UBR3: variants seen among roughly 807,000 people sequenced by gnomAD.
The protein encoded by UBR3 is ubiquitin protein ligase E3 component n-recognin 3, also known as E3 ubiquitin-protein ligase UBR3.
In UBR3, 85 loss-of-function variants were observed where a neutral mutation model predicts 243.2. That is an observed-to-expected ratio of 0.35 (90% confidence interval 0.29 to 0.42). UBR3 has a LOEUF of 0.42. Ranked by LOEUF, UBR3 falls within the 10% of genes least tolerant of loss-of-function variation. The pLI is 1.00. For synonymous variants in UBR3, 748 were observed against 799.8 expected, an observed-to-expected ratio of 0.94 and a Z score of 1.09; for missense variants, 1,686 against 2,300.8, an observed-to-expected ratio of 0.73 and a Z score of 5.47.
chr2:170,072,091 TA>T (rs373505449), intron 35 of UBR3, among the ~76,000 whole-genome samples: 5 of 152,142 alleles, frequency 3.3e-5, no homozygotes, highest in African/African-American at 1.2e-4. Flanking sequence ...CAAAGGACTA[TA>T]AATCATGCTG....
At chr2:170,049,404 A>G (rs193261478) in intron 32 of UBR3, among the ~76,000 whole-genome samples, 9 of 152,296 alleles carry the variant, frequency 5.9e-5, no homozygotes, top group Non-Finnish European at 1.2e-4. Context: ...AGGGGTGGCA[A>G]AAGTGGAAGA....
intron 38 of UBR3, among the ~76,000 whole-genome samples, chr2:170,081,146 G>T (rs553100448): frequency 6.6e-6 from 1 of 152,154 alleles, no homozygotes; most frequent in South Asian, 2.1e-4. Context: ...AGCTGTGATC[G>T]TGCCACTGCA....
chr2:170,042,671 A>G (rs939378472), intron 32 of UBR3, among the ~76,000 whole-genome samples: 2 of 139,454 alleles, frequency 1.4e-5, no homozygotes, highest in Non-Finnish European at 3.1e-5. Flanking sequence ...CCTGGGTGAC[A>G]GAATGATACT....
intron 36 of UBR3, among the ~76,000 whole-genome samples, chr2:170,078,836 G>A (rs1442194752): frequency 6.6e-6 from 1 of 152,128 alleles, no homozygotes; most frequent in Non-Finnish European, 1.5e-5. Context: ...TTTAATGGAA[G>A]GGTTCCACTG....
chr2:170,069,578 C>G (rs1273120845), intron 35 of UBR3, among the ~76,000 whole-genome samples: 1 of 151,930 alleles, frequency 6.6e-6, no homozygotes, highest in East Asian at 1.9e-4. Flanking sequence ...ACCCTTTGGC[C>G]AACATCTCCC....
chr2:170,012,674 T>TG (rs1182394263), intron 29 of UBR3, among the ~76,000 whole-genome samples: 4 of 8,580 alleles, frequency 4.7e-4, no homozygotes, highest in Non-Finnish European at 2.1e-3. Flanking sequence ...AAGATACTGG[T>TG]TTTTTTTTTT....
In UBR3 at chr2:170,082,026, T is replaced by TA. The variant is rs2091916384; in HGVS notation, c.*185dup. 1 of 404,934 alleles carries TA rather than the reference T, an allele frequency of 2.5e-6. No homozygotes were observed. 25.1% of individuals were successfully genotyped at this position (404,934 alleles called of 1,614,324 possible). On this transcript the variant is annotated 3_prime_UTR_variant, in exon 39 of 39. Transcript: ENST00000272793. ...CGTTAATGGTATAATTTTTTTTTTTTAATATCTGGAGAACATTAATAACAA... is the reference window on the plus strand; with the variant it reads ...CGTTAATGGTATAATTTTTTTTTTTTAAATATCTGGAGAACATTAATAACAA...
chr2:169,939,566 C>A (rs1404679894), intron 19 of UBR3, among the ~76,000 whole-genome samples: 1 of 149,212 alleles, frequency 6.7e-6, no homozygotes, highest in East Asian at 2.0e-4. Flanking sequence ...CGTGCCAGGC[C>A]TTTTTTTTTC....
intron 11 of UBR3, among the ~76,000 whole-genome samples, chr2:169,916,602 C>T (rs1473084973): frequency 1.3e-5 from 2 of 152,104 alleles, no homozygotes; most frequent in African/African-American, 4.8e-5. Flanking sequence ...CTCATTCTGC[C>T]TTGGCTCTGA....
intron 32 of UBR3, 117 bp downstream of exon 32, chr2:170,041,102 G>C (rs938896832): frequency 1.2e-5 from 11 of 949,472 alleles, no homozygotes; most frequent in African/African-American, 1.6e-5. Context: ...CCGCACTTTA[G>C]GAGGCTGAGG....
chr2:170,015,561 T>C (rs933397184), intron 30 of UBR3, among the ~76,000 whole-genome samples, 195 bp downstream of exon 30: 16 of 147,152 alleles, frequency 1.1e-4, no homozygotes, highest in African/African-American at 4.0e-4. Context: ...AGATTATGAT[T>C]ACCTAGCACA....
chr2:170,020,158 C>T (rs549043334), intron 30 of UBR3, among the ~76,000 whole-genome samples: 20 of 152,190 alleles, frequency 1.3e-4, no homozygotes, highest in African/African-American at 3.9e-4. Context: ...CTTATGAAGG[C>T]CTTTTTCAAA....
chr2:170,032,060 T>C (rs1026514992), intron 31 of UBR3, among the ~76,000 whole-genome samples: 7 of 152,136 alleles, frequency 4.6e-5, no homozygotes, highest in Admixed American at 4.6e-4. Context: ...TGCTGGGTCA[T>C]AGGATAGTTC....
chr2:169,868,979 C>G (rs929653900), intron 1 of UBR3, among the ~76,000 whole-genome samples: 1 of 152,072 alleles, frequency 6.6e-6, no homozygotes, highest in African/African-American at 2.4e-5. Context: ...GTCAGTTGTC[C>G]TGTATAATGT....
chr2:170,081,882 T>G lies in UBR3; in HGVS notation c.*39T>G, dbSNP rs2091914083. On this transcript the variant is annotated 3_prime_UTR_variant, in exon 39 of 39. Transcript: ENST00000272793. Reference sequence around the variant, plus strand: ...CATTGCATCGTATCATCATTTTCGCTACGAATTTATTTTTCAACAATAAGC... The same window carrying G: ...CATTGCATCGTATCATCATTTTCGCGACGAATTTATTTTTCAACAATAAGC... The G allele has an allele frequency of 5.2e-6, 7 of 1,339,052 alleles. No homozygotes were observed. The highest frequency in any genetic ancestry group is 6.1e-6 in the Non-Finnish European group (6 of 987,212). The allele number at this position is 1,339,052 out of a possible 1,614,324, so 82.9% of individuals were successfully genotyped here.
intron 10 of UBR3, among the ~76,000 whole-genome samples, chr2:169,913,394 A>G (rs551960324): frequency 1.0e-4 from 15 of 145,378 alleles, no homozygotes; most frequent in Non-Finnish European, 2.3e-4. Flanking sequence ...CAAGCCTATC[A>G]TTATTTCTAT....
intron 33 of UBR3, among the ~76,000 whole-genome samples, chr2:170,057,870 A>C (rs1315598661): frequency 6.6e-6 from 1 of 152,172 alleles, no homozygotes; most frequent in Admixed American, 6.5e-5. Flanking sequence ...AAATTACGAT[A>C]GTCTGTAGGT....
At chr2:169,845,533 C>CTTCTTCTTCTTCTTCTTCT (rs1349567506) in intron 1 of UBR3, among the ~76,000 whole-genome samples, 1 of 125,004 alleles carries the variant, frequency 8.0e-6, no homozygotes, top group African/African-American at 3.4e-5. Flanking sequence ...TCGTCGTCGT[C>CTTCTTCTTCTTCTTCTTCT]TTCTTCTTCT....
intron 24 of UBR3, among the ~76,000 whole-genome samples, chr2:169,969,273 A>G (rs895743963): frequency 1.3e-5 from 2 of 152,152 alleles, no homozygotes; most frequent in African/African-American, 2.4e-5. Flanking sequence ...ACTCAGACCA[A>G]CGCTTTAAGC....
Sources: allele counts gnomAD v4.1 joint callset (sites outside exome capture counted in the v4.1 genomes callset), GRCh38; gene constraint gnomAD v4.1.1; transcripts MANE v1.5; gene names NCBI Gene and HGNC (gene_info 2026-07-23, HGNC 2026-07-21).